The following PTPRN2 variants were observed in gnomAD, a reference collection of about 807,000 sequenced individuals.
The protein encoded by PTPRN2 is receptor-type tyrosine-protein phosphatase N2.
In PTPRN2, 74 loss-of-function variants were observed where a neutral mutation model predicts 118.8. That is an observed-to-expected ratio of 0.62 (90% CI 0.52 to 0.76). The LOEUF is 0.76. PTPRN2 is among the 30% of genes least tolerant of loss of function. PTPRN2 has a pLI of 0.00. For missense variants in PTPRN2, 1,481 were observed against 1,394.4 expected, an observed-to-expected ratio of 1.06 and a Z score of -0.99; for synonymous variants, 641 against 608.0, an observed-to-expected ratio of 1.05 and a Z score of -0.80.
chr7:157,917,191 C>T (rs1471267546), intron 11 of PTPRN2, among the ~76,000 whole-genome samples: 1 of 152,266 alleles, frequency 6.6e-6, no homozygotes, highest in Non-Finnish European at 1.5e-5. Flanking sequence ...GCTGCCGCAG[C>T]TGGGGAGCTT....
intron 2 of PTPRN2, among the ~76,000 whole-genome samples, chr7:158,351,246 G>A (rs1398761134): frequency 6.6e-6 from 1 of 152,130 alleles, no homozygotes; most frequent in African/African-American, 2.4e-5. Flanking sequence ...CAGAAGGAGG[G>A]TCCAGGAGGG....
intron 11 of PTPRN2, among the ~76,000 whole-genome samples, chr7:158,032,282 T>A (rs958767745): frequency 3.9e-5 from 6 of 152,082 alleles, no homozygotes; most frequent in Non-Finnish European, 8.8e-5. Context: ...TGGCTGATGC[T>A]CTGATGAAGG....
At chr7:158,344,629 CAA>C (rs899795604) in intron 2 of PTPRN2, among the ~76,000 whole-genome samples, 35 of 152,070 alleles carry the variant, frequency 2.3e-4, no homozygotes, top group African/African-American at 8.0e-4. Flanking sequence ...ATGTAAAAAT[CAA>C]AGAGGTCCCA....
chr7:158,522,030 C>T (rs573801026), intron 1 of PTPRN2, among the ~76,000 whole-genome samples: 5 of 74,072 alleles, frequency 6.8e-5, no homozygotes, highest in Non-Finnish European at 1.3e-4. Context: ...GGTGGACTGT[C>T]CGGGTAGTGG....
chr7:158,447,381 A>G (rs1370251156), intron 2 of PTPRN2, among the ~76,000 whole-genome samples: 3 of 151,986 alleles, frequency 2.0e-5, no homozygotes, highest in Non-Finnish European at 4.4e-5. Flanking sequence ...TTTGGCACCA[A>G]AAAAAAAGAG....
intron 3 of PTPRN2, among the ~76,000 whole-genome samples, chr7:158,231,859 T>C (rs1416828870): frequency 2.6e-5 from 4 of 152,124 alleles, no homozygotes; most frequent in Admixed American, 2.0e-4. Context: ...TAAACCTCCT[T>C]CTAAATGGCC....
intron 14 of PTPRN2, among the ~76,000 whole-genome samples, chr7:157,653,239 C>T (rs757519768): frequency 2.0e-5 from 3 of 152,292 alleles, no homozygotes; most frequent in African/African-American, 7.2e-5. Flanking sequence ...TTTTGTCCAA[C>T]GTGCCCCAGG....
intron 12 of PTPRN2, among the ~76,000 whole-genome samples, chr7:157,772,143 A>G (rs1167939677): frequency 4.6e-5 from 7 of 151,550 alleles, no homozygotes; most frequent in African/African-American, 1.7e-4. Context: ...ACAGACACAC[A>G]CACAGACACA....
chr7:158,136,986 CA>C (rs199668193), intron 7 of PTPRN2, among the ~76,000 whole-genome samples: 167 of 130,208 alleles, frequency 1.3e-3, no homozygotes, highest in African/African-American at 4.4e-3. Context: ...TAACTCACGG[CA>C]AAAAAAAACC....
In PTPRN2 at chr7:158,242,126, G is replaced by T. The variant is rs150840536; in HGVS notation, c.278-36853C>A. Among the ~76,000 whole-genome samples, 837 of 152,222 alleles carry T rather than the reference G, an allele frequency of 5.5e-3. 7 individuals are homozygous for T. The highest frequency in any genetic ancestry group is 0.01 in the Middle Eastern group (3 of 294). Reference sequence around the variant, plus strand: ...GCTAGTGGCTCCTAGCAGCCCAAGAGCCCAGCCTGTAACCATTCATCCCTG... The same window carrying T: ...GCTAGTGGCTCCTAGCAGCCCAAGATCCCAGCCTGTAACCATTCATCCCTG... On this transcript the variant is annotated intron_variant, in intron 3 of 22. Transcript: ENST00000389418.
chr7:158,332,736 A>T (rs367852591), intron 2 of PTPRN2, among the ~76,000 whole-genome samples: 1 of 151,136 alleles, frequency 6.6e-6, no homozygotes, highest in Non-Finnish European at 1.5e-5. Flanking sequence ...CACTCTCACC[A>T]TAAGAGCTGA....
rs111650876 is a variant in PTPRN2, at chr7:157,874,346, C to T, written c.1788+24327G>A. ...CGCCCACCTCTCAGCCCATTTTCAA[C>T]GTGACACACGCAGGTGAAGTGGACC... On this transcript the variant is annotated intron_variant, in intron 12 of 22. Transcript: ENST00000389418. This position sits in a 1 kb window ranked among gnomAD's most constrained non-coding sequence, Gnocchi z 5.8. Among the ~76,000 whole-genome samples, 2,327 of 152,296 alleles carry T rather than the reference C, an allele frequency of 0.015. 35 individuals carry two copies. The highest frequency in any genetic ancestry group is 0.036 in the Admixed American group (545 of 15,300).
rs1305385987 is a variant in PTPRN2, at chr7:157,987,393, A to G, written c.1724-88656T>C. The stretch of plus-strand genomic sequence containing the variant: ...AGACAACCGGTCACTAACGGGGGCA[A>G]TATGACCCCTCACTAATGGGGTGAT... On this transcript the variant is annotated intron_variant, in intron 11 of 22. Transcript: ENST00000389418. The surrounding 1 kb of genome is among the most constrained non-coding windows in gnomAD (Gnocchi z 4.3). Among the ~76,000 whole-genome samples, 1 of 151,824 alleles carries G rather than the reference A, an allele frequency of 6.6e-6. No homozygotes were observed. Among genetic ancestry groups the G allele is most frequent in the African/African-American group, 2.4e-5 (1 of 41,302 alleles).
chr7:157,655,658 C>G lies in PTPRN2; in HGVS notation c.2196+699G>C, dbSNP rs147788299. On this transcript the variant is annotated intron_variant, in intron 14 of 22. Coordinates refer to ENST00000389418, the MANE Select transcript of PTPRN2 (RefSeq NM_002847.5). ...GCTCCGTCTCCAGTGCGGGAAACAG[C>G]ACAGCCAGGCACGGTCACCCACCAG... Among the ~76,000 whole-genome samples the G allele has an allele frequency of 3.9e-3, 593 of 152,298 alleles. 1 individual carries two copies. The highest frequency in any genetic ancestry group is 4.9e-3 in the Non-Finnish European group (333 of 68,032).
intron 2 of PTPRN2, among the ~76,000 whole-genome samples, chr7:158,342,071 A>T (rs1806957572): frequency 3.2e-5 from 4 of 125,834 alleles, no homozygotes; most frequent in Admixed American, 3.2e-4. Context: ...TCACATCCAC[A>T]CTCTCACCAG....
chr7:157,844,120 A>C (rs923191753), intron 12 of PTPRN2, among the ~76,000 whole-genome samples: 1 of 151,456 alleles, frequency 6.6e-6, no homozygotes, highest in African/African-American at 2.4e-5. Context: ...GTGGGTGTGG[A>C]ATGCAGGCCC....
intron 12 of PTPRN2, among the ~76,000 whole-genome samples, chr7:157,767,345 A>T (rs1301397113): frequency 6.6e-6 from 1 of 152,200 alleles, no homozygotes; most frequent in Non-Finnish European, 1.5e-5. Context: ...TCCTCCTGGC[A>T]TCTTGGTTTT....
intron 12 of PTPRN2, among the ~76,000 whole-genome samples, chr7:157,752,982 C>T (rs115643159): frequency 1.4e-3 from 214 of 152,284 alleles, no homozygotes; most frequent in African/African-American, 4.7e-3. Context: ...TTGCCATGGC[C>T]GGCAGTGCTG....
At chr7:157,572,239 A>G (rs567867683) in intron 19 of PTPRN2, among the ~76,000 whole-genome samples, 1 of 152,328 alleles carries the variant, frequency 6.6e-6, no homozygotes, top group African/African-American at 2.4e-5. Context: ...ATGTTTATGA[A>G]GTCCATTAAA....
Sources: allele counts gnomAD v4.1 joint callset (sites outside exome capture counted in the v4.1 genomes callset), GRCh38; gene constraint gnomAD v4.1.1; non-coding constraint Gnocchi (gnomAD v3.1); transcripts MANE v1.5; gene names NCBI Gene and HGNC (gene_info 2026-07-23, HGNC 2026-07-21).